Variants in FCER1A observed in about 807,000 individuals in gnomAD.
FCER1A encodes high affinity immunoglobulin epsilon receptor subunit alpha.
FCER1A carries 24 observed loss-of-function variants against 23.6 expected under a neutral mutation model. That is an observed-to-expected ratio of 1.02 (90% CI 0.74 to 1.43). The LOEUF (loss-of-function observed/expected upper bound fraction) is 1.43, where lower values mean the gene tolerates loss of function less well. Among genes scored for constraint, FCER1A ranks in the 40% most tolerant of loss-of-function variants. The pLI, the probability that FCER1A is intolerant of heterozygous loss-of-function variation, is 0.00. For missense variants in FCER1A, 318 were observed against 294.5 expected (o/e 1.08, Z -0.58); for synonymous variants, 121 against 108.8 (o/e 1.11, Z -0.70).
chr1:159,297,749 AT>A (rs991449680), upstream of FCER1A, among the ~76,000 whole-genome samples: 2 of 151,626 alleles, frequency 1.3e-5, no homozygotes, highest in African/African-American at 4.8e-5. Flanking sequence ...ATATTCTGGT[AT>A]TTTTTTTAGC....
At chr1:159,299,071 C>G (rs1652364878), upstream of FCER1A, among the ~76,000 whole-genome samples, 1 of 152,210 alleles carries the variant, frequency 6.6e-6, no homozygotes, top group Non-Finnish European at 1.5e-5. Flanking sequence ...TGCCCTGGGA[C>G]AAGTTACTTA....
At chr1:159,292,072 GAT>G (rs2102216703) in intron 1 of FCER1A, among the ~76,000 whole-genome samples, 1 of 152,146 alleles carries the variant, frequency 6.6e-6, no homozygotes, top group South Asian at 2.1e-4. Flanking sequence ...TCATCTTCAA[GAT>G]ATTGAAATTT....
At chr1:159,307,418 C>T (rs181021963) in intron 4 of FCER1A, among the ~76,000 whole-genome samples, 2 of 152,168 alleles carry the variant, frequency 1.3e-5, no homozygotes, top group Admixed American at 6.5e-5. Flanking sequence ...CACTTTGTCC[C>T]CTTTCCACCC....
At chr1:159,302,831 G>A (rs1314657388) in intron 1 of FCER1A, 23 bp from the exon 2 acceptor site, 2 of 1,611,962 alleles carry the variant, frequency 1.2e-6, no homozygotes, top group East Asian at 4.5e-5. Flanking sequence ...GGACACTAAT[G>A]TATCCTCTCT....
chr1:159,307,704 C>A, intron 4 of FCER1A, 44 bp from the exon 5 acceptor site: 1 of 1,449,192 alleles, frequency 6.9e-7, no homozygotes, highest in Non-Finnish European at 9.5e-7. Context: ...TTTTCAGTTC[C>A]CAAGATGAAT....
Position 159,295,034 on chromosome 1 carries a change from G to A in FCER1A, c.-60+5281G>A, listed in dbSNP as rs549745911. ...TCTCTTAAAGATAAATTGGCATCAT[G>A]AGATTATTGAAATATATGGTTGATT... On this transcript the variant is annotated intron_variant, in intron 1 of 5. Transcript: ENST00000368115. Among the ~76,000 whole-genome samples, 3 of 152,264 alleles carry A rather than the reference G, an allele frequency of 2.0e-5. No individual in the cohort carries two copies. The East Asian group carries it at 5.8e-4, about 29-fold the overall frequency.
intron 3 of FCER1A, among the ~76,000 whole-genome samples, chr1:159,304,401 A>T (rs1373072301): frequency 6.6e-6 from 1 of 152,122 alleles, no homozygotes; most frequent in African/African-American, 2.4e-5. Context: ...GGAGATCGAG[A>T]CCATCCGGCT....
upstream of FCER1A, among the ~76,000 whole-genome samples, chr1:159,286,263 G>A (rs911306364): frequency 4.6e-5 from 7 of 151,998 alleles, no homozygotes; most frequent in Non-Finnish European, 1.0e-4. Context: ...ATTTCAGGTG[G>A]CAACAGCTTG....
chr1:159,294,023 C>A (rs1009762298), intron 1 of FCER1A, among the ~76,000 whole-genome samples: 82 of 152,120 alleles, frequency 5.4e-4, no homozygotes, highest in Non-Finnish European at 8.8e-4. Context: ...AATGAGATAC[C>A]ATCTCACACC....
chr1:159,308,063 A>G lies in FCER1A; in HGVS notation c.*131A>G, dbSNP rs545659327. Reference sequence around the variant, plus strand: ...CAAGGATTTATAGAAATGCTTCATTAAACTGAGTGAAACTGGTTAAGTGGC... The same window carrying G: ...CAAGGATTTATAGAAATGCTTCATTGAACTGAGTGAAACTGGTTAAGTGGC... On this transcript the variant is annotated 3_prime_UTR_variant, in exon 5 of 5. Transcript: ENST00000693622. 2 of 582,698 alleles carry G rather than the reference A, an allele frequency of 3.4e-6. No homozygotes were observed. The highest frequency in any genetic ancestry group is 5.8e-6 in the Non-Finnish European group (2 of 344,940). 36.1% of individuals were successfully genotyped at this position (582,698 alleles called of 1,614,324 possible). A position where few individuals can be genotyped will look rare whatever the true frequency, so the allele number is the denominator to read the frequency against.
chr1:159,291,349 T>A (rs927058770), intron 1 of FCER1A, among the ~76,000 whole-genome samples: 16 of 152,334 alleles, frequency 1.1e-4, no homozygotes, highest in Admixed American at 8.5e-4. Context: ...CATATCTTTT[T>A]AACTGCATAG....
At chr1:159,303,869 C>G (rs1377321092) in intron 2 of FCER1A, 59 bp from the exon 3 acceptor site, 3 of 1,356,216 alleles carry the variant, frequency 2.2e-6, no homozygotes, top group Non-Finnish European at 3.1e-6. Context: ...TAAGCCTAGA[C>G]AGTTTTCAAT....
At chr1:159,292,872 TGG>T (rs1311386990) in intron 1 of FCER1A, among the ~76,000 whole-genome samples, 1 of 151,930 alleles carries the variant, frequency 6.6e-6, no homozygotes, top group African/African-American at 2.4e-5. Flanking sequence ...GGAGTGAGAC[TGG>T]TGGCTCTAAA....
intron 1 of FCER1A, among the ~76,000 whole-genome samples, chr1:159,292,725 G>A (rs1652186649): frequency 6.6e-6 from 1 of 152,104 alleles, no homozygotes; most frequent in African/African-American, 2.4e-5. Flanking sequence ...CAAACTTCGT[G>A]ATGAAACTTA....
At chr1:159,290,676 G>A (rs1652127438) in intron 1 of FCER1A, among the ~76,000 whole-genome samples, 1 of 152,148 alleles carries the variant, frequency 6.6e-6, no homozygotes, top group African/African-American at 2.4e-5. Context: ...CAAGGATGCT[G>A]ATAGTACCTG....
chr1:159,306,332 G>A (rs1199830889), intron 4 of FCER1A, 87 bp downstream of exon 4: 6 of 1,329,090 alleles, frequency 4.5e-6, no homozygotes, highest in Middle Eastern at 2.6e-4. Flanking sequence ...CTTGTAGAAG[G>A]GGGGCACCTG....
At chr1:159,285,003 GT>G (rs1054221541), upstream of FCER1A, among the ~76,000 whole-genome samples, 10 of 152,152 alleles carry the variant, frequency 6.6e-5, no homozygotes, top group East Asian at 1.9e-4. Context: ...CTCGTTAAAA[GT>G]TTTTTTGAGT....
At chr1:159,284,515 G>T in the FCER1A span, among the ~76,000 whole-genome samples, 1 of 152,180 alleles carries the variant, frequency 6.6e-6, no homozygotes, top group African/African-American at 2.4e-5. Context: ...CCCAAACTAA[G>T]AATTTTTAAA....
At chr1:159,307,182 G>A (rs544730236) in intron 4 of FCER1A, among the ~76,000 whole-genome samples, 16 of 152,200 alleles carry the variant, frequency 1.1e-4, no homozygotes, top group Non-Finnish European at 2.1e-4. Flanking sequence ...CCAATATTGA[G>A]AATCACTTGT....
Sources: gnomAD v4.1 joint callset for allele counts (sites outside exome capture counted in the v4.1 genomes callset) on GRCh38, gnomAD v4.1.1 for gene constraint, MANE v1.5 for transcripts, NCBI Gene and HGNC (gene_info 2026-07-23, HGNC 2026-07-21) for gene names.